The following ADD3 variants were observed in gnomAD, a reference collection of about 807,000 sequenced individuals.
The protein encoded by ADD3 is adducin 3, also known as gamma-adducin.
ADD3 carries 25 observed loss-of-function variants against 80.2 expected under a neutral mutation model. The ratio of observed to expected loss-of-function variants is 0.31; its 90% CI spans 0.23 to 0.44. The LOEUF is 0.44. Among genes scored for constraint, ADD3 ranks in the 20% least tolerant of loss-of-function variants. ADD3 has a pLI of 1.00. For synonymous variants in ADD3, 284 were observed against 289.6 expected, an observed-to-expected ratio of 0.98 and a Z score of 0.20; for missense variants, 829 against 847.5, an observed-to-expected ratio of 0.98 and a Z score of 0.27.
At chr10:110,101,491 T>C (rs61881637) in intron 2 of ADD3, among the ~76,000 whole-genome samples, 2 of 151,780 alleles carry the variant, frequency 1.3e-5, no homozygotes, top group Non-Finnish European at 2.9e-5. Flanking sequence ...AAAAATTAAC[T>C]GGGTGTGGTG....
chr10:110,124,688 T>A (rs963171803), intron 10 of ADD3, among the ~76,000 whole-genome samples: 2 of 152,162 alleles, frequency 1.3e-5, no homozygotes, highest in Non-Finnish European at 2.9e-5. Flanking sequence ...CAACTCCTAA[T>A]TGTACCAAAG....
chr10:110,132,156 A>G lies in ADD3; in HGVS notation c.1733-149A>G, dbSNP rs1853106321. The stretch of plus-strand genomic sequence containing the variant: ...CCTCTTAATGTATAATTATGGATAT[A>G]TGGGATAACTGTTAGCATGCTCAGC... On this transcript the variant is annotated intron_variant, in intron 13 of 14. Coordinates refer to ENST00000356080, the MANE Select transcript of ADD3 (RefSeq NM_016824.5). 1.8e-5 allele frequency: 10 copies of G among 569,352 alleles called. 1 individual carries two copies. In the South Asian group the frequency reaches 1.9e-4, roughly 11 times the overall value. The allele number at this position is 569,352 out of a possible 1,614,324, so 35.3% of individuals were successfully genotyped here. A position where few individuals can be genotyped will look rare whatever the true frequency, so the allele number is the denominator to read the frequency against.
chr10:110,072,634 T>C (rs557702164), intron 1 of ADD3, among the ~76,000 whole-genome samples: 3 of 152,204 alleles, frequency 2.0e-5, no homozygotes, highest in Non-Finnish European at 2.9e-5. Context: ...TAGAATATAG[T>C]CAGAAATGCC....
At chr10:110,003,408 G>A (rs1341156805), upstream of ADD3, among the ~76,000 whole-genome samples, 1 of 151,972 alleles carries the variant, frequency 6.6e-6, no homozygotes, top group East Asian at 1.9e-4. Context: ...GTTGTTTAGG[G>A]TAAAGTCCCT....
intron 2 of ADD3, chr10:110,105,972 GTTTA>G (rs774852550): frequency 3.3e-5 from 5 of 152,048 alleles, no homozygotes; most frequent in Non-Finnish European, 7.4e-5. Context: ...AGAAAATATG[GTTTA>G]TTTGTTTTTT....
At chr10:109,998,050 C>T (rs1851414582) in intron 1 of ADD3, among the ~76,000 whole-genome samples, 1 of 152,062 alleles carries the variant, frequency 6.6e-6, no homozygotes, top group African/African-American at 2.4e-5. Flanking sequence ...ACAATGAACA[C>T]GATAAAGTTC....
At chr10:110,117,054 A>C in intron 4 of ADD3, among the ~76,000 whole-genome samples, 1 of 152,226 alleles carries the variant, frequency 6.6e-6, no homozygotes, top group East Asian at 1.9e-4. Context: ...GGCTTGAATA[A>C]TATTAGCATT....
intron 1 of ADD3, among the ~76,000 whole-genome samples, chr10:110,046,496 A>G (rs1323907031): frequency 6.6e-6 from 1 of 151,830 alleles, no homozygotes; most frequent in Non-Finnish European, 1.5e-5. Flanking sequence ...TCTATATGTA[A>G]TTCTGGAGAC....
At chr10:110,040,029 T>C (rs542582665) in intron 1 of ADD3, among the ~76,000 whole-genome samples, 17 of 152,340 alleles carry the variant, frequency 1.1e-4, no homozygotes, top group Admixed American at 2.0e-4. Flanking sequence ...CTGCCCCTAT[T>C]GCTGTTGCTC....
At chr10:110,047,783 A>G (rs1008872100) in intron 1 of ADD3, among the ~76,000 whole-genome samples, 1 of 152,222 alleles carries the variant, frequency 6.6e-6, no homozygotes, top group Non-Finnish European at 1.5e-5. Flanking sequence ...ATCTGTGGGA[A>G]AAAGAAATTG....
At chr10:110,131,276 CT>C (rs1224771522) in intron 13 of ADD3, among the ~76,000 whole-genome samples, 1 of 152,202 alleles carries the variant, frequency 6.6e-6, no homozygotes, top group African/African-American at 2.4e-5. Context: ...CAATTGACTA[CT>C]AGCTCCCTTT....
At chr10:110,063,757 ATATATATATATAT>A (rs1476063163) in intron 1 of ADD3, among the ~76,000 whole-genome samples, 1 of 66,760 alleles carries the variant, frequency 1.5e-5, no homozygotes, top group Admixed American at 2.6e-4. Flanking sequence ...ATATATATAT[ATATATATATATAT>A]ATATATATAT....
At chr10:110,113,854 A>G (rs780888184) in intron 3 of ADD3, among the ~76,000 whole-genome samples, 3 of 152,226 alleles carry the variant, frequency 2.0e-5, no homozygotes, top group Non-Finnish European at 4.4e-5. Flanking sequence ...AAGACATTGC[A>G]GCAATTGGAA....
upstream of ADD3, chr10:110,005,985 CTAA>C: frequency 4.0e-6 from 1 of 249,730 alleles, no homozygotes; most frequent in Non-Finnish European, 8.1e-6. Context: ...GCTGCTGCTG[CTAA>C]TGCTGCTGCT....
At chr10:110,072,877 G>A (rs1844903297) in intron 1 of ADD3, among the ~76,000 whole-genome samples, 1 of 152,130 alleles carries the variant, frequency 6.6e-6, no homozygotes, top group Non-Finnish European at 1.5e-5. Context: ...GTTTCATGAA[G>A]CTTCCTCCTA....
At chr10:110,102,521 T>A (rs1419772100) in intron 2 of ADD3, among the ~76,000 whole-genome samples, 3 of 152,120 alleles carry the variant, frequency 2.0e-5, no homozygotes, top group Non-Finnish European at 4.4e-5. Flanking sequence ...TCGAAAGGAT[T>A]ACTTGAGCCC....
intron 5 of ADD3, among the ~76,000 whole-genome samples, chr10:110,117,760 A>T (rs1025005114): frequency 6.6e-6 from 1 of 152,034 alleles, no homozygotes; most frequent in Non-Finnish European, 1.5e-5. Flanking sequence ...TCACGCCTGT[A>T]ATCCAAGCAC....
intron 2 of ADD3, among the ~76,000 whole-genome samples, chr10:110,109,078 G>A (rs1849696025): frequency 6.6e-6 from 1 of 152,168 alleles, no homozygotes; most frequent in African/African-American, 2.4e-5. Flanking sequence ...AATGTAAAAA[G>A]AGCATTGGAC....
rs1164637976 is a variant in ADD3, at chr10:110,079,461, AGTGTGT to A, written c.-29-21128_-29-21123del. On this transcript the variant is annotated intron_variant, in intron 1 of 14. Transcript: ENST00000356080. ...GAGAGAGAGAGAGAGAGAGAGAGAG[AGTGTGT>A]GTGTGTGTGTGTGTGTGTGTGTGTG... is the stretch of plus-strand genomic sequence containing the variant. Among the ~76,000 whole-genome samples the A allele has an allele frequency of 4.9e-3, 479 of 97,408 alleles. 2 individuals are homozygous for A. The highest frequency in any genetic ancestry group is 7.6e-3 in the South Asian group (18 of 2,368). The allele number at this position is 97,408 out of a possible 152,430, so 63.9% of individuals were successfully genotyped here. A position where few individuals can be genotyped will look rare whatever the true frequency, so the allele number is the denominator to read the frequency against.
Sources: gnomAD v4.1 joint callset for allele counts (sites outside exome capture counted in the v4.1 genomes callset) on GRCh38, gnomAD v4.1.1 for gene constraint, MANE v1.5 for transcripts, NCBI Gene and HGNC (gene_info 2026-07-23, HGNC 2026-07-21) for gene names.